PCDHGB5: variants seen among roughly 807,000 people sequenced by gnomAD.
PCDHGB5 encodes the protein protocadherin gamma subfamily B, 5, also known as protocadherin gamma-B5.
A neutral mutation model predicts 62.9 loss-of-function variants in PCDHGB5; 48 were observed. The ratio of observed to expected loss-of-function variants is 0.76; its 90% CI spans 0.61 to 0.97. The LOEUF is 0.97. PCDHGB5 is among the 50% of genes least tolerant of loss of function. PCDHGB5 has a pLI of 0.00. For missense variants in PCDHGB5, 1,118 were observed against 1,198.6 expected (o/e 0.93, Z 0.99); for synonymous variants, 474 against 511.2 (o/e 0.93, Z 0.98).
intron 3 of PCDHGB5, 73 bp from the exon 4 acceptor site, chr5:141,510,874 G>A (rs1419164967): frequency 3.7e-6 from 6 of 1,610,008 alleles, no homozygotes; most frequent in Admixed American, 1.7e-5. Context: ...TTCATTAACT[G>A]CTGGGGATAT....
intron 1 of PCDHGB5, among the ~76,000 whole-genome samples, chr5:141,465,576 C>T (rs1002696285): frequency 6.6e-6 from 1 of 152,136 alleles, no homozygotes; most frequent in Non-Finnish European, 1.5e-5. Context: ...TCTCAAAACA[C>T]TCTCATAATA....
At position 141,486,813 on chromosome 5, in the gene PCDHGB5, G is replaced by A; in HGVS notation, c.2398-7994G>A. On this transcript the variant is annotated intron_variant, in intron 1 of 3. Transcript: ENST00000617380. The surrounding 1 kb of genome is among the most constrained non-coding windows in gnomAD (Gnocchi z 5.0). ...GATCGGGGCAACCCACCCCTTAGCA[G>A]CACTGTAACAGTTCGTCTATTTGTG... The A allele has an allele frequency of 6.2e-7, 1 of 1,614,212 alleles. No individual in the cohort carries two copies.
chr5:141,410,109 ACG>A, intron 1 of PCDHGB5: 1 of 1,612,496 alleles, frequency 6.2e-7, no homozygotes, highest in Non-Finnish European at 8.5e-7. Flanking sequence ...GGCGACAGGG[ACG>A]CAGCCCGCCA....
In PCDHGB5 at chr5:141,476,857, C is replaced by G. The variant is rs201408987; in HGVS notation, c.2398-17950C>G. The G allele has an allele frequency of 3.1e-6, 5 of 1,613,886 alleles. No individual in the cohort carries two copies. Among genetic ancestry groups the G allele is most frequent in the Non-Finnish European group, 4.2e-6 (5 of 1,180,046 alleles). On this transcript the variant is annotated intron_variant, in intron 1 of 3. Coordinates refer to ENST00000617380, the MANE Select transcript of PCDHGB5 (RefSeq NM_018925.3). This position sits in a 1 kb window ranked among gnomAD's most constrained non-coding sequence, Gnocchi z 7.6. Reference sequence around the variant, plus strand: ...ACAATGCGCCTGTCTTCAACCAGTCCTTGTACCGGGCGCGCGTCCTGGAGG... The same window carrying G: ...ACAATGCGCCTGTCTTCAACCAGTCGTTGTACCGGGCGCGCGTCCTGGAGG...
chr5:141,417,111 G>A (rs1014827063), intron 1 of PCDHGB5: 13 of 152,012 alleles, frequency 8.6e-5, no homozygotes, highest in African/African-American at 2.7e-4. Context: ...AAGCAATACA[G>A]GACACCCTGG....
Position 141,505,427 on chromosome 5 carries a change from A to G in PCDHGB5, c.2491A>G (p.Asn831Asp), listed in dbSNP as rs1453435374. Reference protein sequence around the residue: ...QNGDDTGTWPNNQFDTEMLQA... With the variant: ...QNGDDTGTWPDNQFDTEMLQA... The stretch of plus-strand genomic sequence containing the variant: ...TGGCGATGACACCGGCACCTGGCCC[A>G]ACAACCAGTTTGACACAGAGATGCT... The change falls in exon 3 of 4, where the codon AAC (asparagine) becomes GAC (aspartate). Residue 831 changes from asparagine to aspartate, a missense_variant. Physicochemically the swap from Asn to Asp is conservative, Grantham distance 23 (BLOSUM62 1). Around this residue, in one of 2 missense-constraint regions of PCDHGB5, gnomAD observed 1,034 missense variants for 1,029.1 expected, o/e 1.00. Coordinates refer to ENST00000617380, the MANE Select transcript of PCDHGB5 (RefSeq NM_018925.3). 1 of 1,614,230 alleles carries G rather than the reference A, an allele frequency of 6.2e-7. No individual in the cohort carries two copies. Among genetic ancestry groups the G allele is most frequent in the East Asian group, 2.2e-5 (1 of 44,878 alleles).
intron 1 of PCDHGB5, among the ~76,000 whole-genome samples, chr5:141,401,533 C>T (rs998579261): frequency 5.9e-5 from 9 of 151,790 alleles, no homozygotes; most frequent in South Asian, 2.1e-4. Context: ...AAGAAACTTA[C>T]AAAAAAAAGG....
At chr5:141,421,603 G>T (rs1207844782) in intron 1 of PCDHGB5, 4 of 1,613,758 alleles carry the variant, frequency 2.5e-6, no homozygotes, top group Non-Finnish European at 3.4e-6. Context: ...GGAAATAATA[G>T]ATATTAATGA....
In PCDHGB5 at chr5:141,434,333, G is replaced by A. The variant is rs200059384; in HGVS notation, c.2397+33809G>A. On this transcript the variant is annotated intron_variant, in intron 1 of 3. Coordinates refer to ENST00000617380, the MANE Select transcript of PCDHGB5 (RefSeq NM_018925.3). The stretch of plus-strand genomic sequence containing the variant: ...TCTTCCTCTTGCTGCTTGTCTCTTT[G>A]TGTCGGGAACAGGCCCCCCAAAATC... Among the ~76,000 whole-genome samples, 23 of 152,220 alleles carry A rather than the reference G, an allele frequency of 1.5e-4. No individual in the cohort carries two copies. In the East Asian group the frequency reaches 4.3e-3, roughly 28 times the overall value.
chr5:141,430,939 G>A, intron 1 of PCDHGB5: 1 of 1,607,854 alleles, frequency 6.2e-7, no homozygotes, highest in South Asian at 1.1e-5. Flanking sequence ...GGGAGCTCGC[G>A]GAGCGCGGAG....
chr5:141,399,043 G>T lies in PCDHGB5; in HGVS notation c.916G>T (p.Glu306Ter), dbSNP rs545668357. The T allele has an allele frequency of 3.0e-5, 48 of 1,613,890 alleles. No homozygotes were observed. The South Asian group carries it at 4.9e-4, about 17-fold the overall frequency. ...EITTQKKLDF[E>*]ETKEYSMVVE... ...TACCACTCAAAAGAAACTGGATTTTGAAGAGACCAAGGAATATTCAATGGT... is the reference window on the plus strand; with the variant it reads ...TACCACTCAAAAGAAACTGGATTTTTAAGAGACCAAGGAATATTCAATGGT... The change falls in exon 1 of 4, where the codon GAA (glutamate) becomes TAA (stop). Residue 306 changes from glutamate to a stop codon, truncating the protein, a stop_gained. Transcript: ENST00000617380. LOFTEE classifies it high-confidence loss of function.
chr5:141,464,048 T>C (rs377735829), intron 1 of PCDHGB5, among the ~76,000 whole-genome samples: 1 of 152,260 alleles, frequency 6.6e-6, no homozygotes, highest in South Asian at 2.1e-4. Context: ...GTGGATCACC[T>C]GAGGTCAGGA....
At chr5:141,413,299 G>T in intron 1 of PCDHGB5, 1 of 1,613,966 alleles carries the variant, frequency 6.2e-7, no homozygotes, top group Non-Finnish European at 8.5e-7. Flanking sequence ...AATTCCTGAG[G>T]AATTAGAGAA....
intron 1 of PCDHGB5, chr5:141,428,329 A>G (rs928788851): frequency 4.8e-6 from 3 of 627,180 alleles, no homozygotes; most frequent in South Asian, 3.5e-5. Context: ...CTTGATTTCT[A>G]TGCTCTTCTT....
chr5:141,490,941 A>G lies in PCDHGB5; in HGVS notation c.2398-3866A>G. The G allele has an allele frequency of 6.2e-7, 1 of 1,613,628 alleles. No homozygotes were observed. The highest frequency in any genetic ancestry group is 8.5e-7 in the Non-Finnish European group (1 of 1,179,772). On this transcript the variant is annotated intron_variant, in intron 1 of 3. Coordinates refer to ENST00000617380, the MANE Select transcript of PCDHGB5 (RefSeq NM_018925.3). The surrounding 1 kb of genome is among the most constrained non-coding windows in gnomAD (Gnocchi z 5.4). ...ATAATGCCCCAGCTGTGCTGCACCC[A>G]CGGCCAGACTGGGAACACTCAGCCC... is the stretch of plus-strand genomic sequence containing the variant.
At chr5:141,488,913 A>G (rs887938731) in intron 1 of PCDHGB5, among the ~76,000 whole-genome samples, 4 of 152,196 alleles carry the variant, frequency 2.6e-5, no homozygotes, top group African/African-American at 7.2e-5. Flanking sequence ...TGTGTTCCCA[A>G]GGTTTCCAGG....
In PCDHGB5 at chr5:141,476,432, G is replaced by T; in HGVS notation, c.2398-18375G>T. 6.2e-7 allele frequency: 1 copy of T among 1,614,116 alleles called. No individual in the cohort carries two copies. The highest frequency in any genetic ancestry group is 8.5e-7 in the Non-Finnish European group (1 of 1,180,028). ...GTGTGGGACACTGCCCTCTTGCACT[G>T]TAACTCTGGAGTTGGTAGTGGAGAA... On this transcript the variant is annotated intron_variant, in intron 1 of 3. Coordinates refer to ENST00000617380, the MANE Select transcript of PCDHGB5 (RefSeq NM_018925.3). The surrounding 1 kb of genome is among the most constrained non-coding windows in gnomAD (Gnocchi z 7.6).
chr5:141,445,814 TA>T (rs1554133713), intron 1 of PCDHGB5, among the ~76,000 whole-genome samples: 1 of 152,182 alleles, frequency 6.6e-6, no homozygotes, highest in Non-Finnish European at 1.5e-5. Context: ...TAGATGAAAC[TA>T]ATAAGGCAGG....
chr5:141,433,379 CTAT>C (rs2097594474), intron 1 of PCDHGB5, among the ~76,000 whole-genome samples: 1 of 151,230 alleles, frequency 6.6e-6, no homozygotes, highest in Non-Finnish European at 1.5e-5. Context: ...ATCTATCTAT[CTAT>C]CTATCTATCT....
Sources: allele counts gnomAD v4.1 joint callset (sites outside exome capture counted in the v4.1 genomes callset), GRCh38; gene constraint gnomAD v4.1.1; regional missense constraint gnomAD v4.1.1; non-coding constraint Gnocchi (gnomAD v3.1); transcripts MANE v1.5; gene names NCBI Gene and HGNC (gene_info 2026-07-23, HGNC 2026-07-21).